CCDC62: variants seen among roughly 807,000 people sequenced by gnomAD.
The protein encoded by CCDC62 is coiled-coil domain containing 62.
Under a neutral mutation model 80.8 loss-of-function variants are expected in CCDC62, and 72 were observed. That is an observed-to-expected ratio of 0.89 (90% CI 0.74 to 1.08). CCDC62 has a LOEUF of 1.08. CCDC62 is among the 50% of genes least tolerant of loss of function. The pLI, the probability that CCDC62 is intolerant of heterozygous loss-of-function variation, is 0.00. For synonymous variants in CCDC62, 286 were observed against 296.5 expected (o/e 0.96, Z 0.36); for missense variants, 704 against 809.4 (o/e 0.87, Z 1.58).
intron 10 of CCDC62, 21 bp downstream of exon 10, chr12:122,806,316 T>A: frequency 6.3e-7 from 1 of 1,587,440 alleles, no homozygotes; most frequent in Non-Finnish European, 8.6e-7. Flanking sequence ...TGCTTAGACA[T>A]CCCCAGCTTA....
At chr12:122,804,675 C>T (rs1038771666) in intron 9 of CCDC62, among the ~76,000 whole-genome samples, 1 of 151,908 alleles carries the variant, frequency 6.6e-6, no homozygotes, top group Non-Finnish European at 1.5e-5. Context: ...ATCTCACAAA[C>T]TGAAAACCTA....
intron 9 of CCDC62, among the ~76,000 whole-genome samples, chr12:122,804,958 C>T (rs2031507082): frequency 6.6e-6 from 1 of 150,560 alleles, no homozygotes; most frequent in African/African-American, 2.4e-5. Flanking sequence ...GATCTCGGCT[C>T]ACTGCAACCT....
chr12:122,788,752 T>G lies in CCDC62; in HGVS notation c.499-6T>G, dbSNP rs762932503. 6 of 1,539,214 alleles carry G rather than the reference T, an allele frequency of 3.9e-6. No individual in the cohort carries two copies. The Admixed American group carries it at 1.4e-4, about 35-fold the overall frequency. On this transcript the variant is annotated splice_region_variant and splice_polypyrimidine_tract_variant and intron_variant, in intron 4 of 12. Coordinates refer to ENST00000253079, the MANE Select transcript of CCDC62 (RefSeq NM_201435.5). ...TAGGATAACCATTTTCAAATTTGGT[T>G]TTTAGGACAAAGATATTATTGAGGC...
intron 8 of CCDC62, among the ~76,000 whole-genome samples, chr12:122,799,671 G>C (rs1255458554): frequency 6.6e-6 from 1 of 152,202 alleles, no homozygotes; most frequent in Non-Finnish European, 1.5e-5. Context: ...AGAAGTCTTT[G>C]AAAGGGAGAG....
chr12:122,809,862 C>T (rs2031792643), intron 10 of CCDC62, among the ~76,000 whole-genome samples: 1 of 152,010 alleles, frequency 6.6e-6, no homozygotes, highest in East Asian at 1.9e-4. Flanking sequence ...AGAAATAATA[C>T]CACACATCTA....
intron 1 of CCDC62, among the ~76,000 whole-genome samples, chr12:122,775,512 G>A (rs183909986): frequency 6.6e-6 from 1 of 152,310 alleles, no homozygotes; most frequent in East Asian, 1.9e-4. Context: ...CATGAATGAA[G>A]GGCTAACCCA....
chr12:122,792,051 T>C lies in CCDC62; in HGVS notation c.702T>C (p.Asn234=), dbSNP rs368390008. 2 of 1,613,930 alleles carry C rather than the reference T, an allele frequency of 1.2e-6. No individual in the cohort carries two copies. Among genetic ancestry groups the C allele is most frequent in the African/African-American group, 2.7e-5 (2 of 74,922 alleles). ...TCAATGAAAAGACGACAGAAAATAA[T>C]GAGCAACGAGAAGAGATCATTCGCC... ...EDLNEKTTEN[N]EQREEIIRLK... is the part of the protein sequence containing the mutation. Residue 234 remains asparagine (N), a synonymous_variant, in exon 6 of 13, where the codon AAT becomes AAC. Coordinates refer to ENST00000253079, the MANE Select transcript of CCDC62 (RefSeq NM_201435.5).
chr12:122,793,811 G>C (rs1309983714), intron 6 of CCDC62, among the ~76,000 whole-genome samples: 1 of 151,988 alleles, frequency 6.6e-6, no homozygotes, highest in South Asian at 2.1e-4. Flanking sequence ...ATTAAAGATC[G>C]GGGTGAAAGT....
At chr12:122,812,241 A>C (rs552560930) in intron 10 of CCDC62, among the ~76,000 whole-genome samples, 19 of 151,866 alleles carry the variant, frequency 1.3e-4, no homozygotes, top group African/African-American at 4.6e-4. Context: ...TCAGAAGTTC[A>C]AGACCAGCCT....
At chr12:122,823,210 C>T (rs1013866518) in intron 11 of CCDC62, among the ~76,000 whole-genome samples, 156 bp from the exon 12 acceptor site, 4 of 152,140 alleles carry the variant, frequency 2.6e-5, no homozygotes, top group African/African-American at 9.7e-5. Flanking sequence ...ATCCGCCCAC[C>T]CTGGCCTCCC....
chr12:122,814,583 T>G (rs2032087866), intron 11 of CCDC62, among the ~76,000 whole-genome samples: 1 of 150,890 alleles, frequency 6.6e-6, no homozygotes, highest in Admixed American at 6.6e-5. Flanking sequence ...CTCAGCTCAC[T>G]GCAATTCTCT....
chr12:122,778,311 GC>G (rs1879608244), intron 2 of CCDC62, among the ~76,000 whole-genome samples: 1 of 148,240 alleles, frequency 6.7e-6, no homozygotes, highest in Non-Finnish European at 1.5e-5. Flanking sequence ...CCAAGATTGC[GC>G]CACTGCACTC....
rs1002967729 is a variant in CCDC62 at position 122,826,867 on chromosome 12, A to G, written c.*486A>G. The G allele has an allele frequency of 3.2e-5, 5 of 158,302 alleles. No homozygotes were observed. Among genetic ancestry groups the G allele is most frequent in the African/African-American group, 1.2e-4 (5 of 41,614 alleles). 9.8% of individuals were successfully genotyped at this position (158,302 alleles called of 1,614,324 possible). On this transcript the variant is annotated 3_prime_UTR_variant, in exon 13 of 13. Transcript: ENST00000253079. ...CAGCTCAAAATATATGAGAAACAGTATTCTCTCATGGTTTTAGCTTTTGAC... is the reference window on the plus strand; with the variant it reads ...CAGCTCAAAATATATGAGAAACAGTGTTCTCTCATGGTTTTAGCTTTTGAC...
At chr12:122,808,498 T>A (rs188687701) in intron 10 of CCDC62, among the ~76,000 whole-genome samples, 1 of 152,204 alleles carries the variant, frequency 6.6e-6, no homozygotes. Context: ...GAATGCTAGC[T>A]AGCTCATATG....
intron 8 of CCDC62, among the ~76,000 whole-genome samples, chr12:122,800,152 C>A (rs1160147417): frequency 1.3e-5 from 2 of 150,688 alleles, no homozygotes; most frequent in East Asian, 3.9e-4. Flanking sequence ...CATGCGCCAC[C>A]ATGCCCGGCT....
rs1171919115 is a variant in CCDC62 at position 122,813,033 on chromosome 12, A to G, written c.1852-237A>G. ...GGCAACATAGTGAGATCCCACCTCT[A>G]CCAAAAAAAAAATTGCTCGGTGTGG... On this transcript the variant is annotated intron_variant, in intron 10 of 12. Transcript: ENST00000253079. 1.3e-4 allele frequency among the ~76,000 whole-genome samples: 5 copies of G among 39,904 alleles called. No individual in the cohort carries two copies. In the East Asian group the frequency reaches 0.031, roughly 249 times the overall value. The allele number at this position is 39,904 out of a possible 152,430, so 26.2% of individuals were successfully genotyped here. A position where few individuals can be genotyped will look rare whatever the true frequency, so the allele number is the denominator to read the frequency against.
intron 4 of CCDC62, among the ~76,000 whole-genome samples, chr12:122,786,804 C>CA (rs1200337313): frequency 2.0e-5 from 3 of 151,580 alleles, no homozygotes; most frequent in African/African-American, 7.3e-5. Context: ...ACTAAAAATA[C>CA]AAAAAATTCC....
chr12:122,783,199 A>G (rs1014991045), intron 3 of CCDC62, among the ~76,000 whole-genome samples: 5 of 151,180 alleles, frequency 3.3e-5, no homozygotes, highest in Non-Finnish European at 5.9e-5. Flanking sequence ...GCAGAAAGCC[A>G]GCTTGTTTAT....
chr12:122,785,581 A>G (rs1162900747), intron 3 of CCDC62, 138 bp from the exon 4 acceptor site: 4 of 674,908 alleles, frequency 5.9e-6, no homozygotes, highest in Non-Finnish European at 1.1e-5. Context: ...AGCCCACTCC[A>G]TTACCAACTC....
Sources: gnomAD v4.1 joint callset for allele counts (sites outside exome capture counted in the v4.1 genomes callset) on GRCh38, gnomAD v4.1.1 for gene constraint, MANE v1.5 for transcripts, NCBI Gene and HGNC (gene_info 2026-07-23, HGNC 2026-07-21) for gene names.